CRHBP: variants seen among roughly 807,000 people sequenced by gnomAD.
CRHBP encodes the protein corticotropin-releasing hormone-binding protein.
In CRHBP, 19 loss-of-function variants were observed where a neutral mutation model predicts 34.9. The ratio of observed to expected loss-of-function variants is 0.55; its 90% CI spans 0.38 to 0.80. The LOEUF is 0.80. CRHBP is among the 30% of genes least tolerant of loss of function. CRHBP has a pLI of 0.00. For missense variants in CRHBP, 328 were observed against 409.2 expected (o/e 0.80, Z 1.71); for synonymous variants, 154 against 153.4 (o/e 1.00, Z -0.03).
intron 6 of CRHBP, among the ~76,000 whole-genome samples, chr5:76,967,993 A>T (rs1745884909): frequency 6.6e-6 from 1 of 152,090 alleles, no homozygotes. Flanking sequence ...CACCGTGCCC[A>T]GCTGAATAAG....
intron 1 of CRHBP, 69 bp from the exon 2 acceptor site, chr5:76,953,532 C>T: frequency 2.1e-6 from 3 of 1,456,216 alleles, no homozygotes; most frequent in Non-Finnish European, 2.8e-6. Flanking sequence ...GGGAGGGTGC[C>T]CCGCTCCTGG....
rs533984056 is a variant in CRHBP at position 76,954,308 on chromosome 5, C to A, written c.333+122C>A. On this transcript the variant is annotated intron_variant, in intron 3 of 6. Coordinates refer to ENST00000274368, the MANE Select transcript of CRHBP (RefSeq NM_001882.4). ...GGTAGCCAGTGGCACTTCTTAGACA[C>A]TTCGCTGGTGCCCGAGTCGGAGAGG... is the stretch of plus-strand genomic sequence containing the variant. 18 of 1,203,906 alleles carry A rather than the reference C, an allele frequency of 1.5e-5. 1 individual carries two copies. In the Admixed American group the frequency reaches 3.8e-4, roughly 25 times the overall value. 74.6% of individuals were successfully genotyped at this position (1,203,906 alleles called of 1,614,324 possible). A position where few individuals can be genotyped will look rare whatever the true frequency, so the allele number is the denominator to read the frequency against.
At chr5:76,956,045 T>A (rs951242758) in intron 4 of CRHBP, among the ~76,000 whole-genome samples, 182 bp downstream of exon 4, 4 of 152,254 alleles carry the variant, frequency 2.6e-5, no homozygotes. Context: ...TCACAGTTTT[T>A]AATTTATTTC....
chr5:76,954,797 G>A (rs762426003), intron 3 of CRHBP, among the ~76,000 whole-genome samples: 1 of 152,208 alleles, frequency 6.6e-6, no homozygotes, highest in Non-Finnish European at 1.5e-5. Flanking sequence ...CTGCCTCCTC[G>A]ATTCCAGTCG....
Position 76,968,917 on chromosome 5 carries a change from C to A in CRHBP, c.*32C>A. The A allele has an allele frequency of 6.3e-7, 1 of 1,599,192 alleles. No individual in the cohort carries two copies. The highest frequency in any genetic ancestry group is 1.1e-5 in the South Asian group (1 of 89,370). On this transcript the variant is annotated 3_prime_UTR_variant, in exon 7 of 7. Coordinates refer to ENST00000274368, the MANE Select transcript of CRHBP (RefSeq NM_001882.4). ...AACCCAGTGATTTACATGCTGATAG[C>A]TAAGTGAGTTTTTAATGGCCATTGT...
At chr5:76,964,242 A>G (rs943130725) in intron 6 of CRHBP, among the ~76,000 whole-genome samples, 2 of 152,216 alleles carry the variant, frequency 1.3e-5, no homozygotes, top group Admixed American at 6.5e-5. Flanking sequence ...GCTTTACTTC[A>G]GACACAGGAG....
chr5:76,955,718 A>G lies in CRHBP; in HGVS notation c.399A>G (p.Ser133=). ...GTTCCCAGGATCATCCTCTCCCCTCAGCTGAGCGGTACATAGATTTCTGTG... is the reference window on the plus strand; with the variant it reads ...GTTCCCAGGATCATCCTCTCCCCTCGGCTGAGCGGTACATAGATTTCTGTG... ...FPSSQDHPLP[S]AERYIDFCES... Residue 133 remains serine (S), a synonymous_variant, in exon 4 of 7, where the codon TCA becomes TCG. Coordinates refer to ENST00000274368, the MANE Select transcript of CRHBP (RefSeq NM_001882.4). 1 of 1,614,212 alleles carries G rather than the reference A, an allele frequency of 6.2e-7. No individual in the cohort carries two copies. The highest frequency in any genetic ancestry group is 1.6e-4 in the Middle Eastern group (1 of 6,062).
intron 6 of CRHBP, among the ~76,000 whole-genome samples, chr5:76,968,477 T>C (rs929781280): frequency 2.6e-5 from 4 of 152,210 alleles, no homozygotes; most frequent in African/African-American, 4.8e-5. Flanking sequence ...TTCCAGCTAG[T>C]TTTATTTTTT....
chr5:76,980,456 C>T (rs1351861028), intron 3 of CRHBP, among the ~76,000 whole-genome samples: 3 of 152,100 alleles, frequency 2.0e-5, no homozygotes, highest in African/African-American at 4.8e-5. Flanking sequence ...ATTTCTTTGT[C>T]GAAACACACC....
chr5:76,961,483 C>T (rs1345267756), intron 5 of CRHBP, among the ~76,000 whole-genome samples: 4 of 152,156 alleles, frequency 2.6e-5, no homozygotes, highest in Non-Finnish European at 5.9e-5. Context: ...AGTTTTTTTC[C>T]TTTACTGCTA....
downstream of CRHBP, chr5:76,969,540 A>G (rs999126342): frequency 6.6e-6 from 1 of 152,492 alleles, no homozygotes; most frequent in Non-Finnish European, 1.5e-5. Context: ...TAATGTTATC[A>G]TGTGGTGCAG....
chr5:76,969,992 G>T (rs539114514), downstream of CRHBP, among the ~76,000 whole-genome samples: 10 of 124,492 alleles, frequency 8.0e-5, no homozygotes, highest in South Asian at 1.3e-3. Flanking sequence ...CTGTCACCTA[G>T]GCTGGAGTAC....
intron 1 of CRHBP, 155 bp downstream of exon 1, chr5:76,953,370 C>A: frequency 2.4e-6 from 2 of 836,744 alleles, no homozygotes; most frequent in Non-Finnish European, 3.9e-6. Context: ...CCTGTTCTCC[C>A]TCCTTGCCTC....
rs1745731658 is a variant in CRHBP, at chr5:76,958,896, T to TGC, written c.693+8_693+9dup. 6.2e-7 allele frequency: 1 copy of TGC among 1,612,930 alleles called. No individual in the cohort carries two copies. ...AAATGGTCTTCAGTTAAAGGTGAGT[T>TGC]GCTTACTTGTTTCCTAACCGTTTGA... On this transcript the variant is annotated splice_region_variant and intron_variant, in intron 5 of 6. Transcript: ENST00000274368.
chr5:76,964,060 G>A (rs1172384854), intron 6 of CRHBP, among the ~76,000 whole-genome samples: 1 of 152,136 alleles, frequency 6.6e-6, no homozygotes, highest in African/African-American at 2.4e-5. Flanking sequence ...CACAGCATAT[G>A]CCAAATAGAA....
chr5:76,979,751 A>G (rs1580102414), intron 3 of CRHBP, among the ~76,000 whole-genome samples: 1 of 152,340 alleles, frequency 6.6e-6, no homozygotes, highest in East Asian at 1.9e-4. Flanking sequence ...TATATGTACT[A>G]GGAAACCAAA....
At chr5:76,980,645 G>A (rs1290121456) in intron 3 of CRHBP, among the ~76,000 whole-genome samples, 1 of 152,182 alleles carries the variant, frequency 6.6e-6, no homozygotes, top group East Asian at 1.9e-4. Context: ...ATTTTCAGAT[G>A]AGATTAACAT....
chr5:76,958,681 C>G, intron 4 of CRHBP, 60 bp from the exon 5 acceptor site: 1 of 1,547,022 alleles, frequency 6.5e-7, no homozygotes, highest in Non-Finnish European at 8.7e-7. Flanking sequence ...CAATAAATGT[C>G]TATAAAAACC....
intron 3 of CRHBP, chr5:76,976,663 C>T (rs1746038992): frequency 6.6e-6 from 1 of 152,188 alleles, no homozygotes; most frequent in African/African-American, 2.4e-5. Context: ...ACGCACCAGT[C>T]AAGGCACATG....
Sources: gnomAD v4.1 joint callset for allele counts (sites outside exome capture counted in the v4.1 genomes callset) on GRCh38, gnomAD v4.1.1 for gene constraint, MANE v1.5 for transcripts, NCBI Gene and HGNC (gene_info 2026-07-23, HGNC 2026-07-21) for gene names.